TMCO1: variants seen among roughly 807,000 people sequenced by gnomAD.
TMCO1 encodes calcium load-activated calcium channel.
TMCO1 carries 29 observed loss-of-function variants against 29.3 expected under a neutral mutation model. The ratio of observed to expected loss-of-function variants is 0.99; its 90% CI spans 0.74 to 1.35. The LOEUF (loss-of-function observed/expected upper bound fraction) is 1.35. Among genes scored for constraint, TMCO1 ranks in the 40% most tolerant of loss-of-function variants. The pLI is 0.00. For synonymous variants in TMCO1, 80 were observed against 77.1 expected, an observed-to-expected ratio of 1.04 and a Z score of -0.20; for missense variants, 173 against 225.5, an observed-to-expected ratio of 0.77 and a Z score of 1.49.
intron 2 of TMCO1, among the ~76,000 whole-genome samples, chr1:165,764,280 G>A (rs893909347): frequency 2.0e-5 from 3 of 152,216 alleles, no homozygotes; most frequent in Non-Finnish European, 4.4e-5. Flanking sequence ...CATTTATCAA[G>A]TATCTAATAT....
chr1:165,726,681 T>C (rs1650904785), downstream of TMCO1: 1 of 454,068 alleles, frequency 2.2e-6, no homozygotes, highest in Admixed American at 2.4e-5. Context: ...CATATATTCA[T>C]CCATATATTT....
In TMCO1 at chr1:165,752,252, A is replaced by ATTT. The variant is rs773982057; in HGVS notation, c.256-86_256-84dup. ...ATCTCAAAAGTTTTGGTTTCATGTCATTTTTTTTTTTTTTTTTTTTGAGGC... is the reference window on the plus strand; with the variant it reads ...ATCTCAAAAGTTTTGGTTTCATGTCATTTTTTTTTTTTTTTTTTTTTTTGAGGC... On this transcript the variant is annotated intron_variant, in intron 4 of 6. Transcript: ENST00000367881. 450 of 427,426 alleles carry ATTT rather than the reference A, an allele frequency of 1.1e-3. 1 individual carries two copies. The highest frequency in any genetic ancestry group is 5.0e-3 in the East Asian group (62 of 12,396). 26.5% of individuals were successfully genotyped at this position (427,426 alleles called of 1,614,324 possible). A position where few individuals can be genotyped will look rare whatever the true frequency, so the allele number is the denominator to read the frequency against.
In TMCO1 at chr1:165,743,190, G is replaced by A. The variant is rs1430886686; in HGVS notation, c.445C>T (p.Leu149Phe). The change falls in exon 6 of 7, where the codon CTC (leucine) becomes TTC (phenylalanine). Residue 149 changes from leucine to phenylalanine, a missense_variant. Transcript: ENST00000367881. ...ACCTGTCGAATCGACATAGTACAGA[G>A]AATATACAGGAAAATGAAGGAACAG... The part of the protein sequence containing the change: ...TDCSFIFLYI[L>F]CTMSIRQNIQ... 1.2e-6 allele frequency: 2 copies of A among 1,613,766 alleles called. No individual in the cohort carries two copies. Among genetic ancestry groups the A allele is most frequent in the African/African-American group, 1.3e-5 (1 of 74,826 alleles).
chr1:165,744,715 G>A (rs538831111), intron 5 of TMCO1, among the ~76,000 whole-genome samples: 12 of 149,400 alleles, frequency 8.0e-5, no homozygotes, highest in Middle Eastern at 7.0e-3. Flanking sequence ...ACTTGAACCC[G>A]CGAGGCAGAG....
downstream of TMCO1, chr1:165,726,101 CA>C (rs1650879641): frequency 2.0e-5 from 14 of 696,926 alleles, no homozygotes; most frequent in Non-Finnish European, 2.9e-5. Flanking sequence ...AGGATGGTTT[CA>C]TGTTTTATTT....
At chr1:165,756,204 T>A (rs1422250671) in intron 3 of TMCO1, among the ~76,000 whole-genome samples, 1 of 152,194 alleles carries the variant, frequency 6.6e-6, no homozygotes, top group Non-Finnish European at 1.5e-5. Context: ...ATGAAAATAC[T>A]GAGATAGAAC....
intron 2 of TMCO1, among the ~76,000 whole-genome samples, chr1:165,761,409 C>A (rs868366277): frequency 2.0e-5 from 3 of 152,058 alleles, no homozygotes; most frequent in Middle Eastern, 3.4e-3. Context: ...GTGGCACATG[C>A]CTATAGTCCC....
chr1:165,743,522 G>T (rs1284583265), intron 5 of TMCO1, among the ~76,000 whole-genome samples: 2 of 152,054 alleles, frequency 1.3e-5, no homozygotes, highest in East Asian at 3.8e-4. Flanking sequence ...TCCTAAATTA[G>T]TCATTCTCAA....
downstream of TMCO1, chr1:165,726,777 A>G (rs1200949585): frequency 1.3e-5 from 6 of 453,624 alleles, 1 homozygote; most frequent in South Asian, 7.8e-5. Flanking sequence ...ATAACCTTTA[A>G]TAATTCAACT....
downstream of TMCO1, chr1:165,725,000 CTCTCTCTCTCTCTCTCTCTCTCTCTATA>C (rs1241198288): frequency 6.2e-6 from 1 of 162,544 alleles, no homozygotes; most frequent in African/African-American, 5.6e-5. Flanking sequence ...CTCTCTCTCT[CTCTCTCTCTCTCTCTCTCTCTCTCTATA>C]TATATATATA....
intron 2 of TMCO1, among the ~76,000 whole-genome samples, chr1:165,763,202 C>G (rs990435247): frequency 6.6e-6 from 1 of 152,150 alleles, no homozygotes; most frequent in Non-Finnish European, 1.5e-5. Context: ...ATTCATACTA[C>G]GTTCTGAATA....
In TMCO1 at chr1:165,768,183, C is replaced by CAT; in HGVS notation, c.148+7_148+8dup. On this transcript the variant is annotated intron_variant, in intron 2 of 6. Coordinates refer to ENST00000367881, the MANE Select transcript of TMCO1 (RefSeq NM_019026.6). ...GTTGAAATTATTTCTAATGTGTTGC[C>CAT]ATACTCACATTTTTTACTCTGTTTT... 1 of 1,605,828 alleles carries CAT rather than the reference C, an allele frequency of 6.2e-7. No homozygotes were observed. The highest frequency in any genetic ancestry group is 8.5e-7 in the Non-Finnish European group (1 of 1,172,492).
chr1:165,751,954 T>C (rs968276725), intron 5 of TMCO1, 148 bp downstream of exon 5: 14 of 664,542 alleles, frequency 2.1e-5, no homozygotes, highest in Non-Finnish European at 3.2e-5. Flanking sequence ...CAACTGTGAA[T>C]GTAGGTAATG....
At chr1:165,742,478 G>T (rs181018607) in intron 6 of TMCO1, among the ~76,000 whole-genome samples, 21 of 152,230 alleles carry the variant, frequency 1.4e-4, no homozygotes, top group African/African-American at 4.6e-4. Context: ...GCCTAGGCTG[G>T]TCTCAAATTC....
Position 165,768,673 on chromosome 1 carries a change from C to T in TMCO1, c.70+9G>A. 6.2e-7 allele frequency: 1 copy of T among 1,614,098 alleles called. No individual in the cohort carries two copies. The highest frequency in any genetic ancestry group is 2.2e-5 in the East Asian group (1 of 44,866). On this transcript the variant is annotated intron_variant, in intron 1 of 6. Coordinates refer to ENST00000367881, the MANE Select transcript of TMCO1 (RefSeq NM_019026.6). ...ACTGATCAAACGTCTGAGAAATACC[C>T]GCTCTCACCCTCTGCGAGCAGAGCC...
chr1:165,736,390 T>C (rs1651384000), intron 6 of TMCO1, among the ~76,000 whole-genome samples: 1 of 152,154 alleles, frequency 6.6e-6, no homozygotes, highest in African/African-American at 2.4e-5. Flanking sequence ...CCAAAATTAC[T>C]AGATATATCA....
intron 4 of TMCO1, among the ~76,000 whole-genome samples, chr1:165,752,966 G>GT (rs1490624805): frequency 6.6e-6 from 1 of 152,148 alleles, no homozygotes; most frequent in Non-Finnish European, 1.5e-5. Context: ...CTCTCAGTAA[G>GT]TAAAAGAGAA....
intron 6 of TMCO1, 113 bp from the exon 7 acceptor site, chr1:165,728,234 T>A: frequency 1.3e-6 from 1 of 766,022 alleles, no homozygotes; most frequent in Non-Finnish European, 2.2e-6. Context: ...AAGGAACCAT[T>A]ATGACCTGCA....
At chr1:165,763,102 C>T (rs1238940734) in intron 2 of TMCO1, among the ~76,000 whole-genome samples, 2 of 152,110 alleles carry the variant, frequency 1.3e-5, no homozygotes, top group African/African-American at 4.8e-5. Flanking sequence ...ACCAGATCAG[C>T]ACAAGCAAAG....
Sources: gnomAD v4.1 joint callset for allele counts (sites outside exome capture counted in the v4.1 genomes callset) on GRCh38, gnomAD v4.1.1 for gene constraint, MANE v1.5 for transcripts, NCBI Gene and HGNC (gene_info 2026-07-23, HGNC 2026-07-21) for gene names.